YES1: variants seen among roughly 807,000 people sequenced by gnomAD.
YES1 encodes the protein YES proto-oncogene 1, Src family tyrosine kinase, also known as tyrosine-protein kinase Yes.
Under a neutral mutation model 70.4 loss-of-function variants are expected in YES1, and 39 were observed. That is an observed-to-expected ratio of 0.55 (90% CI 0.43 to 0.72). The LOEUF is 0.72. Ranked by LOEUF, YES1 falls within the 30% of genes least tolerant of loss-of-function variation. The pLI is 0.00. For synonymous variants in YES1, 198 were observed against 218.6 expected (o/e 0.91, Z 0.83); for missense variants, 495 against 644.8 (o/e 0.77, Z 2.52).
intron 1 of YES1, among the ~76,000 whole-genome samples, chr18:803,220 G>A (rs1322306279): frequency 2.0e-5 from 3 of 152,204 alleles, no homozygotes; most frequent in African/African-American, 7.2e-5. Context: ...GGGTGTCAGA[G>A]TGAGACTCCG....
chr18:746,552 G>T (rs1177927694), intron 4 of YES1, among the ~76,000 whole-genome samples: 1 of 152,160 alleles, frequency 6.6e-6, no homozygotes, highest in African/African-American at 2.4e-5. Flanking sequence ...CACAGAAAAT[G>T]AGAAGAAAGA....
At position 745,871 on chromosome 18, in the gene YES1, A is replaced by G. The variant is rs1260898429; in HGVS notation, c.575-14T>C. On this transcript the variant is annotated splice_polypyrimidine_tract_variant and intron_variant, in intron 5 of 11. Coordinates refer to ENST00000314574, the MANE Select transcript of YES1 (RefSeq NM_005433.4). ...GGGAATAAGCACCTGGGTGAAAAAT[A>G]AATACTTTCACTATATCTTTCTCAA... is the stretch of plus-strand genomic sequence containing the variant. The G allele has an allele frequency of 6.2e-7, 1 of 1,609,450 alleles. No homozygotes were observed. Among genetic ancestry groups the G allele is most frequent in the East Asian group, 2.2e-5 (1 of 44,772 alleles).
intron 1 of YES1, among the ~76,000 whole-genome samples, chr18:799,659 C>T (rs866453744): frequency 1.2e-4 from 18 of 152,030 alleles, no homozygotes; most frequent in South Asian, 8.3e-4. Context: ...GCTGAGATCG[C>T]GCCACTGCAT....
rs1420936898 is a variant in YES1 at position 723,220 on chromosome 18, C to T, written c.*1204G>A. ...GAAGCCATAACTTCATTATTTTGAA[C>T]AAATACCCATTTAGTGTGTAAGAAA... is the stretch of plus-strand genomic sequence containing the variant. On this transcript the variant is annotated 3_prime_UTR_variant, in exon 12 of 12. Transcript: ENST00000314574. 6.6e-6 allele frequency: 1 copy of T among 152,308 alleles called. No homozygotes were observed. The highest frequency in any genetic ancestry group is 1.5e-5 in the Non-Finnish European group (1 of 68,020). 9.4% of individuals were successfully genotyped at this position (152,308 alleles called of 1,614,324 possible). A position where few individuals can be genotyped will look rare whatever the true frequency, so the allele number is the denominator to read the frequency against.
intron 1 of YES1, among the ~76,000 whole-genome samples, chr18:770,480 A>G (rs1289460934): frequency 6.6e-6 from 1 of 152,092 alleles, no homozygotes; most frequent in Non-Finnish European, 1.5e-5. Context: ...GAATTCAGCA[A>G]AAAGTCAGAG....
At chr18:811,048 T>C (rs552976880) in intron 1 of YES1, among the ~76,000 whole-genome samples, 7 of 152,224 alleles carry the variant, frequency 4.6e-5, no homozygotes, top group Non-Finnish European at 8.8e-5. Flanking sequence ...AATTTAACTT[T>C]AGAAGTGTAA....
At chr18:798,939 C>T (rs972523208) in intron 1 of YES1, among the ~76,000 whole-genome samples, 19 of 152,164 alleles carry the variant, frequency 1.2e-4, no homozygotes, top group Non-Finnish European at 2.8e-4. Flanking sequence ...ATATCACTAG[C>T]TTTTTTTCCT....
At position 731,369 on chromosome 18, in the gene YES1, A is replaced by C. The variant is rs564541493; in HGVS notation, c.1423+1465T>G. On this transcript the variant is annotated intron_variant, in intron 11 of 11. Transcript: ENST00000314574. ...TTGTTGGAGAGGACAATGGTGAGTCATTAAATGAGAATAACTTGAATGGTA... is the reference window on the plus strand; with the variant it reads ...TTGTTGGAGAGGACAATGGTGAGTCCTTAAATGAGAATAACTTGAATGGTA... Among the ~76,000 whole-genome samples, 3 of 152,304 alleles carry C rather than the reference A, an allele frequency of 2.0e-5. No homozygotes were observed. The East Asian group carries it at 5.8e-4, about 29-fold the overall frequency.
intron 2 of YES1, among the ~76,000 whole-genome samples, chr18:753,423 TATTTTTAATTTGAATATGTA>T (rs1286285291): frequency 6.6e-6 from 1 of 152,228 alleles, no homozygotes; most frequent in Non-Finnish European, 1.5e-5. Context: ...TTAGCCAACA[TATTTTTAATTTGAATATGTA>T]TATACTCTAC....
At position 812,223 on chromosome 18, in the gene YES1, C is replaced by A. The variant is rs1907436895; in HGVS notation, c.-118G>T. The A allele has an allele frequency of 6.6e-6, 1 of 151,714 alleles. No individual in the cohort carries two copies. The highest frequency in any genetic ancestry group is 2.4e-5 in the African/African-American group (1 of 41,312). 9.4% of individuals were successfully genotyped at this position (151,714 alleles called of 1,614,324 possible). A position where few individuals can be genotyped will look rare whatever the true frequency, so the allele number is the denominator to read the frequency against. On this transcript the variant is annotated 5_prime_UTR_variant, in exon 1 of 12. Transcript: ENST00000314574. The stretch of plus-strand genomic sequence containing the variant: ...CCTCCTCCACCTCCTCGTCCCGGGG[C>A]GCCCGGCGGCAGCAACGACGGCAGA...
chr18:777,493 T>A (rs1284989417), intron 1 of YES1, among the ~76,000 whole-genome samples: 1 of 152,200 alleles, frequency 6.6e-6, no homozygotes, highest in African/African-American at 2.4e-5. Context: ...AACTTTATGT[T>A]AGGTGGTCAT....
intron 1 of YES1, among the ~76,000 whole-genome samples, chr18:778,310 T>C (rs972750576): frequency 6.6e-6 from 1 of 152,222 alleles, no homozygotes; most frequent in African/African-American, 2.4e-5. Context: ...TTATTAAATA[T>C]TAGCCCTTTA....
intron 3 of YES1, among the ~76,000 whole-genome samples, chr18:749,675 G>C (rs1051328939): frequency 6.6e-6 from 1 of 151,674 alleles, no homozygotes. Context: ...CTAACACGGT[G>C]AAACCCCGTC....
intron 1 of YES1, among the ~76,000 whole-genome samples, chr18:797,030 A>C (rs1425137268): frequency 6.6e-6 from 1 of 152,192 alleles, no homozygotes. Flanking sequence ...CTTCAAGTGG[A>C]GAAAATATTC....
intron 1 of YES1, among the ~76,000 whole-genome samples, chr18:802,724 G>A (rs376482776): frequency 5.3e-5 from 8 of 152,154 alleles, no homozygotes; most frequent in East Asian, 1.9e-4. Context: ...CAGTTCTGCC[G>A]GTTGTGTGAC....
At chr18:749,148 G>A (rs1357494120) in intron 3 of YES1, among the ~76,000 whole-genome samples, 1 of 150,824 alleles carries the variant, frequency 6.6e-6, no homozygotes, top group Non-Finnish European at 1.5e-5. Flanking sequence ...GCTACAGAGC[G>A]AGACTCCATC....
intron 4 of YES1, among the ~76,000 whole-genome samples, 194 bp from the exon 5 acceptor site, chr18:746,245 C>G (rs956686030): frequency 6.6e-6 from 1 of 152,072 alleles, no homozygotes; most frequent in African/African-American, 2.4e-5. Flanking sequence ...AGAATATACT[C>G]TTACAGTATT....
chr18:786,543 GCTC>G (rs1219203904), intron 1 of YES1, among the ~76,000 whole-genome samples: 4 of 117,542 alleles, frequency 3.4e-5, no homozygotes, highest in Admixed American at 1.7e-4. Context: ...ACACAGAGTT[GCTC>G]CTCATTATTT....
rs543404590 is a variant in YES1, at chr18:771,055, C to T, written c.-8-14220G>A. Among the ~76,000 whole-genome samples the T allele has an allele frequency of 4.7e-4, 71 of 152,006 alleles. 1 individual carries two copies. The South Asian group carries it at 0.014, about 31-fold the overall frequency. ...TTAAAACCTAGAAAAACATTTCATT[C>T]CCCGGTGTTAATAATCATTCAAGTG... On this transcript the variant is annotated intron_variant, in intron 1 of 11. Coordinates refer to ENST00000314574, the MANE Select transcript of YES1 (RefSeq NM_005433.4).
Sources: gnomAD v4.1 joint callset for allele counts (sites outside exome capture counted in the v4.1 genomes callset) on GRCh38, gnomAD v4.1.1 for gene constraint, MANE v1.5 for transcripts, NCBI Gene and HGNC (gene_info 2026-07-23, HGNC 2026-07-21) for gene names.